MAPDA: variants seen among roughly 807,000 people sequenced by gnomAD.
MAPDA encodes the protein N6-Methyl-AMP deaminase, also known as N6,N6-dimethyl-AMP deaminase.
chr15:43,354,393 A>G, the MAPDA span: 1 of 152,218 alleles, frequency 6.6e-6, no homozygotes, highest in African/African-American at 2.4e-5. Context: ...TAAAAACATC[A>G]AAGTTTATTC....
chr15:43,335,014 G>A, the MAPDA span: 1 of 1,280,280 alleles, frequency 7.8e-7, no homozygotes, highest in African/African-American at 1.5e-5. Context: ...GCAATCTGAA[G>A]GAAATTCAGT....
chr15:43,348,998 G>C, the MAPDA span: 1 of 1,614,158 alleles, frequency 6.2e-7, no homozygotes, highest in African/African-American at 1.3e-5. Flanking sequence ...GGTGAGGGAG[G>C]ATCCCTGGAT....
the MAPDA span, chr15:43,332,128 GGT>G: frequency 6.6e-6 from 1 of 152,178 alleles, no homozygotes; most frequent in African/African-American, 2.4e-5. Context: ...CATAAGCTCA[GGT>G]GTGAGGTAGG....
the MAPDA span, chr15:43,353,614 G>A: frequency 1.3e-5 from 2 of 152,152 alleles, no homozygotes; most frequent in African/African-American, 4.8e-5. Context: ...TTAGAGTTGG[G>A]ACTTTCAGTC....
the MAPDA span, among the ~76,000 whole-genome samples, chr15:43,342,570 C>T: frequency 1.3e-5 from 2 of 151,446 alleles, no homozygotes; most frequent in Non-Finnish European, 2.9e-5. Flanking sequence ...GGCAACATAG[C>T]AAAACCCCGT....
At chr15:43,340,885 G>A in the MAPDA span, among the ~76,000 whole-genome samples, 1 of 152,178 alleles carries the variant, frequency 6.6e-6, no homozygotes. Context: ...CTTGCTTCCT[G>A]CATCATGGGC....
the MAPDA span, among the ~76,000 whole-genome samples, chr15:43,341,837 T>TTTTA: frequency 6.6e-6 from 1 of 152,060 alleles, no homozygotes; most frequent in Non-Finnish European, 1.5e-5. Context: ...GTGGGGTTAT[T>TTTTA]TTTATTTATT....
chr15:43,349,156 G>A, the MAPDA span: 1 of 1,525,256 alleles, frequency 6.6e-7, no homozygotes, highest in South Asian at 1.3e-5. Context: ...ATGTCATCTA[G>A]CTATTAAAAG....
At chr15:43,346,936 T>C in the MAPDA span, 1 of 1,053,366 alleles carries the variant, frequency 9.5e-7, no homozygotes, top group South Asian at 1.3e-5. Flanking sequence ...TGCCATTATG[T>C]TGTTTATTGG....
the MAPDA span, chr15:43,351,647 G>A: frequency 8.8e-7 from 1 of 1,131,654 alleles, no homozygotes; most frequent in Non-Finnish European, 1.2e-6. Context: ...TTAGACTCTT[G>A]AAAGAAGCAT....
chr15:43,345,884 C>T, the MAPDA span: 5 of 1,614,056 alleles, frequency 3.1e-6, no homozygotes, highest in Admixed American at 6.7e-5. Context: ...GAAGAGGTGG[C>T]CCTTTAGTAG....
At chr15:43,330,369 G>A in the MAPDA span, 3 of 1,571,298 alleles carry the variant, frequency 1.9e-6, no homozygotes, top group Admixed American at 1.8e-5. Context: ...CCCGGAACCA[G>A]CAACGCGGCA....
chr15:43,350,111 C>A, the MAPDA span, among the ~76,000 whole-genome samples: 16 of 152,102 alleles, frequency 1.1e-4, no homozygotes, highest in Non-Finnish European at 2.2e-4. Flanking sequence ...CTCTGTCACC[C>A]AGGCTGGAGT....
At chr15:43,333,158 G>A in the MAPDA span, among the ~76,000 whole-genome samples, 40 of 152,134 alleles carry the variant, frequency 2.6e-4, no homozygotes, top group East Asian at 7.0e-3. Context: ...GCAGTGGCTC[G>A]CTCCTGTAAT....
the MAPDA span, among the ~76,000 whole-genome samples, chr15:43,349,874 C>A: frequency 6.6e-6 from 1 of 152,158 alleles, no homozygotes; most frequent in South Asian, 2.1e-4. Context: ...AGTGATCTTA[C>A]TTGGTGTGGT....
the MAPDA span, chr15:43,335,091 AT>A: frequency 6.2e-7 from 1 of 1,613,132 alleles, no homozygotes; most frequent in Non-Finnish European, 8.5e-7. Context: ...GAGAAGAATC[AT>A]TTTTTTCCTG....
the MAPDA span, chr15:43,332,381 A>C: frequency 1.3e-5 from 2 of 151,776 alleles, no homozygotes; most frequent in East Asian, 3.9e-4. Flanking sequence ...TTGAGGGGCA[A>C]ATAGAAAAAA....
chr15:43,351,171 CGGGGTGT>C, the MAPDA span: 3 of 851,512 alleles, frequency 3.5e-6, no homozygotes, highest in Non-Finnish European at 5.5e-6. Flanking sequence ...TAGAAGGGAC[CGGGGTGT>C]GGCTGAGTAT....
At chr15:43,348,704 T>C in the MAPDA span, among the ~76,000 whole-genome samples, 1 of 152,190 alleles carries the variant, frequency 6.6e-6, no homozygotes, top group African/African-American at 2.4e-5. Flanking sequence ...TGTTTATTAT[T>C]ATCATTGAAA....
Sources: allele counts gnomAD v4.1 joint callset (sites outside exome capture counted in the v4.1 genomes callset), GRCh38; gene constraint gnomAD v4.1.1; transcripts MANE v1.5; gene names NCBI Gene and HGNC (gene_info 2026-07-23, HGNC 2026-07-21).